Variants in CORO2A observed in about 807,000 individuals in gnomAD.
The protein encoded by CORO2A is coronin-2A.
Under a neutral mutation model 62.4 loss-of-function variants are expected in CORO2A, and 47 were observed. The ratio of observed to expected loss-of-function variants is 0.75; its 90% CI spans 0.60 to 0.96. CORO2A has a LOEUF of 0.96. Ranked by LOEUF, CORO2A falls within the 40% of genes least tolerant of loss-of-function variation. The pLI is 0.00. For synonymous variants in CORO2A, 273 were observed against 268.9 expected (o/e 1.02, Z -0.15); for missense variants, 610 against 684.1 (o/e 0.89, Z 1.21).
chr9:98,127,817 CAAAAAAAAA>C (rs11342322), intron 10 of CORO2A, among the ~76,000 whole-genome samples: 1 of 49,008 alleles, frequency 2.0e-5, no homozygotes. Flanking sequence ...GACTCTGTCT[CAAAAAAAAA>C]AAAAAAAAAA....
chr9:98,179,934 C>T (rs140636868), intron 1 of CORO2A, among the ~76,000 whole-genome samples: 2,912 of 152,020 alleles, frequency 0.019, 102 homozygotes, highest in African/African-American at 0.065. Flanking sequence ...ACCTGGGAGG[C>T]GGAGGTTGCA....
intron 2 of CORO2A, among the ~76,000 whole-genome samples, chr9:98,138,040 G>C (rs1170085706): frequency 6.6e-6 from 1 of 152,164 alleles, no homozygotes; most frequent in Non-Finnish European, 1.5e-5. Flanking sequence ...AGCTCTTTTG[G>C]AAAATAGTCT....
chr9:98,178,067 G>A lies in CORO2A; in HGVS notation c.-1+14492C>T, dbSNP rs544530952. 1.2e-4 allele frequency among the ~76,000 whole-genome samples: 18 copies of A among 151,882 alleles called. No homozygotes were observed. The South Asian group carries it at 3.3e-3, about 28-fold the overall frequency. Reference sequence around the variant, plus strand: ...TTTTTATTAAAAACATTTTTTTAGAGACAGAGTCTCGCTCTGTCGCCTAGG... The same window carrying A: ...TTTTTATTAAAAACATTTTTTTAGAAACAGAGTCTCGCTCTGTCGCCTAGG... On this transcript the variant is annotated intron_variant, in intron 1 of 11. Transcript: ENST00000375077.
At position 98,132,220 on chromosome 9, in the gene CORO2A, G is replaced by A. The variant is rs762710277; in HGVS notation, c.730C>T (p.Arg244Ter). 6.8e-6 allele frequency: 11 copies of A among 1,614,018 alleles called. No homozygotes were observed. Among genetic ancestry groups the A allele is most frequent in the Admixed American group, 6.7e-5 (4 of 60,010 alleles). The change falls in exon 6 of 12, where the codon CGA becomes TGA. Residue 244 changes from arginine (R) to a stop codon, truncating the protein, a stop_gained. Transcript: ENST00000375077. LOFTEE classifies it high-confidence loss of function. ...LKKLMSTGTS[R>*]WNNRQVALWD... ...AAGGCCACCTGCCGGTTGTTCCATC[G>A]GGATGTGCCTGTGGACATCAGCTTC...
chr9:98,157,465 G>A lies in CORO2A; in HGVS notation c.196C>T (p.His66Tyr), dbSNP rs1479914156. The A allele has an allele frequency of 6.2e-7, 1 of 1,614,150 alleles. No homozygotes were observed. Among genetic ancestry groups the A allele is most frequent in the Non-Finnish European group, 8.5e-7 (1 of 1,180,008 alleles). Residue 66 changes from histidine to tyrosine, a missense_variant, in exon 2 of 12, where the codon CAC becomes TAC. Physicochemically the swap from His to Tyr is moderately conservative, Grantham distance 83. Coordinates refer to ENST00000375077, the MANE Select transcript of CORO2A (RefSeq NM_052820.4). ...GGGAFLVIPL[H>Y]QTGKLDPHYP... ...GGGCCTGGGGGTGTCCTTACCTGGT[G>A]CAGGGGGATGACGAGGAAGGCCCCT... is the stretch of plus-strand genomic sequence containing the variant.
intron 4 of CORO2A, among the ~76,000 whole-genome samples, chr9:98,134,282 C>T (rs1200143937): frequency 6.6e-6 from 1 of 152,188 alleles, no homozygotes; most frequent in African/African-American, 2.4e-5. Flanking sequence ...TCCCAATCTA[C>T]AGGGCCTACT....
intron 1 of CORO2A, among the ~76,000 whole-genome samples, chr9:98,191,637 T>C (rs1430055894): frequency 6.6e-6 from 1 of 152,120 alleles, no homozygotes; most frequent in Non-Finnish European, 1.5e-5. Context: ...AGAGGGGATC[T>C]TACAGAGGGG....
chr9:98,166,553 A>G (rs1477778139), intron 1 of CORO2A, among the ~76,000 whole-genome samples: 1 of 152,236 alleles, frequency 6.6e-6, no homozygotes, highest in Non-Finnish European at 1.5e-5. Context: ...AATCTGATTT[A>G]GTGCACTGTT....
chr9:98,164,594 G>A (rs897614459), intron 1 of CORO2A, among the ~76,000 whole-genome samples: 2 of 148,062 alleles, frequency 1.4e-5, no homozygotes, highest in Admixed American at 6.9e-5. Context: ...CCTCTGTAAG[G>A]GTTTTATCAC....
intron 2 of CORO2A, among the ~76,000 whole-genome samples, chr9:98,154,282 T>A (rs1434980586): frequency 6.9e-6 from 1 of 145,592 alleles, no homozygotes; most frequent in Non-Finnish European, 1.5e-5. Flanking sequence ...TTGTAGGATT[T>A]ACCTGTAAAA....
chr9:98,138,806 T>TG (rs1255838872), intron 2 of CORO2A, among the ~76,000 whole-genome samples: 1 of 151,958 alleles, frequency 6.6e-6, no homozygotes, highest in Non-Finnish European at 1.5e-5. Flanking sequence ...CCCAGCACTT[T>TG]GGGGGGCCGA....
In CORO2A at chr9:98,134,809, G is replaced by A. The variant is rs1384644530; in HGVS notation, c.465C>T (p.Tyr155=). The change falls in exon 4 of 12, where the codon TAC becomes TAT. Residue 155 remains tyrosine, a synonymous_variant. Transcript: ENST00000375077. ...GAGAAAGAATACCCAGACTCACCTT[G>A]TAGTCATAGCCAGCACTGAAGAGGA... ...ANILFSAGYD[Y]KVMIWNLDTK... 1 of 1,610,694 alleles carries A rather than the reference G, an allele frequency of 6.2e-7. No homozygotes were observed. Among genetic ancestry groups the A allele is most frequent in the Non-Finnish European group, 8.5e-7 (1 of 1,178,144 alleles).
chr9:98,159,948 T>C (rs896843554), intron 1 of CORO2A, among the ~76,000 whole-genome samples: 4 of 152,190 alleles, frequency 2.6e-5, no homozygotes, highest in Admixed American at 2.6e-4. Flanking sequence ...GGCTGACCCA[T>C]GAGGCTCTTC....
chr9:98,181,940 GT>G (rs953614920), intron 1 of CORO2A, among the ~76,000 whole-genome samples: 4 of 152,162 alleles, frequency 2.6e-5, no homozygotes, highest in African/African-American at 9.7e-5. Flanking sequence ...CTGAGACTCA[GT>G]TTCACCTCCT....
chr9:98,136,012 CAGGG>C (rs1378696545), intron 3 of CORO2A, among the ~76,000 whole-genome samples: 1 of 152,202 alleles, frequency 6.6e-6, no homozygotes, highest in Non-Finnish European at 1.5e-5. Flanking sequence ...GCCCTGAAGG[CAGGG>C]AGGAACACCC....
Position 98,140,098 on chromosome 9 carries a change from A to G in CORO2A, c.202-2410T>C, listed in dbSNP as rs1827545198. ...GCATGGCCCTGGCAGAACAGGGACC[A>G]GGACCCAGGCCCTCGACCTCCCACA... On this transcript the variant is annotated intron_variant, in intron 2 of 11. Transcript: ENST00000375077. Among the ~76,000 whole-genome samples the G allele has an allele frequency of 2.0e-5, 3 of 152,310 alleles. No homozygotes were observed. The South Asian group carries it at 6.2e-4, about 32-fold the overall frequency.
intron 4 of CORO2A, among the ~76,000 whole-genome samples, chr9:98,133,618 C>T (rs1300687716): frequency 1.3e-5 from 2 of 152,178 alleles, no homozygotes; most frequent in African/African-American, 4.8e-5. Flanking sequence ...TAGACTAGGA[C>T]GTGACTAGTG....
chr9:98,155,536 G>A (rs1401386209), intron 2 of CORO2A, among the ~76,000 whole-genome samples: 3 of 151,590 alleles, frequency 2.0e-5, no homozygotes, highest in Non-Finnish European at 4.4e-5. Context: ...TAGTAGAGAC[G>A]GGGTTTCACC....
chr9:98,176,937 T>C (rs968113385), intron 1 of CORO2A, among the ~76,000 whole-genome samples: 1 of 152,230 alleles, frequency 6.6e-6, no homozygotes, highest in African/African-American at 2.4e-5. Flanking sequence ...CCTGTCTTCC[T>C]GTACCTGGAT....
Sources: allele counts gnomAD v4.1 joint callset (sites outside exome capture counted in the v4.1 genomes callset), GRCh38; gene constraint gnomAD v4.1.1; transcripts MANE v1.5; gene names NCBI Gene and HGNC (gene_info 2026-07-23, HGNC 2026-07-21).